TG: variants seen among roughly 807,000 people sequenced by gnomAD.
The protein encoded by TG is thyroid hormones.
In TG, 270 loss-of-function variants were observed where a neutral mutation model predicts 324.7. The observed-to-expected ratio is 0.83, with a 90% CI of 0.75 to 0.92. The LOEUF (loss-of-function observed/expected upper bound fraction) is 0.92, where lower values mean the gene tolerates loss of function less well. Ranked by LOEUF, TG falls within the 40% of genes least tolerant of loss-of-function variation. The pLI is 0.00. For synonymous variants in TG, 1,401 were observed against 1,327.0 expected, an observed-to-expected ratio of 1.06 and a Z score of -1.21; for missense variants, 3,591 against 3,456.4, an observed-to-expected ratio of 1.04 and a Z score of -0.98.
chr8:133,075,998 T>C (rs558504403), intron 41 of TG: 1 of 152,280 alleles, frequency 6.6e-6, no homozygotes, highest in Non-Finnish European at 1.5e-5. Context: ...ATATAAAATC[T>C]CCCTACTTAC....
At chr8:132,917,236 G>C (rs1045624944) in intron 20 of TG, among the ~76,000 whole-genome samples, 1 of 152,050 alleles carries the variant, frequency 6.6e-6, no homozygotes, top group Non-Finnish European at 1.5e-5. Flanking sequence ...TATTCAGCTA[G>C]ACCATCCTGT....
At chr8:132,957,816 G>T (rs1282699082) in intron 27 of TG, among the ~76,000 whole-genome samples, 1 of 140,876 alleles carries the variant, frequency 7.1e-6, no homozygotes, top group African/African-American at 2.6e-5. Context: ...ATACGTTACT[G>T]GGGTAAGGTG....
intron 41 of TG, chr8:133,040,419 C>T (rs1211817563): frequency 2.7e-6 from 1 of 363,864 alleles, no homozygotes; most frequent in Non-Finnish European, 5.0e-6. Flanking sequence ...TAGCTTTACC[C>T]CGATAGTAAA....
In TG at chr8:133,113,583, G is replaced by A. The variant is rs1850444560; in HGVS notation, c.7734G>A (p.Arg2578=). ...HSTDDYASFS[R]ALENATRDYF... ...CGGATGACTATGCCTCCTTCTCCCG[G>A]GCTCTGGAGAATGCCACCCGGTAAG... is the stretch of plus-strand genomic sequence containing the variant. The change falls in exon 44 of 48, where the codon CGG becomes CGA. Residue 2578 remains arginine (R), a synonymous_variant. Coordinates refer to ENST00000220616, the MANE Select transcript of TG (RefSeq NM_003235.5). 1.2e-6 allele frequency: 2 copies of A among 1,614,080 alleles called. No individual in the cohort carries two copies. Among genetic ancestry groups the A allele is most frequent in the Non-Finnish European group, 1.7e-6 (2 of 1,179,992 alleles).
chr8:133,118,239 A>G (rs1588134249), intron 45 of TG, among the ~76,000 whole-genome samples: 1 of 150,780 alleles, frequency 6.6e-6, no homozygotes, highest in African/African-American at 2.4e-5. Flanking sequence ...AGGTGACCTC[A>G]CTGCCACTAC....
At chr8:132,887,915 GT>G in intron 9 of TG, 68 bp from the exon 10 acceptor site, 1 of 1,438,596 alleles carries the variant, frequency 7.0e-7, no homozygotes. Context: ...CAGTTAAGTG[GT>G]TTTATCTTGG....
intron 35 of TG, among the ~76,000 whole-genome samples, chr8:132,996,618 A>T (rs1832913829): frequency 6.6e-6 from 1 of 152,178 alleles, no homozygotes. Flanking sequence ...GGAGCTCATG[A>T]TTTAACAGGC....
chr8:133,062,091 C>T (rs886483562), intron 41 of TG, among the ~76,000 whole-genome samples: 7 of 152,176 alleles, frequency 4.6e-5, no homozygotes, highest in Non-Finnish European at 1.0e-4. Flanking sequence ...GAACGGGCAG[C>T]ATGTTTAAAG....
intron 27 of TG, among the ~76,000 whole-genome samples, chr8:132,950,733 T>C (rs754107771): frequency 2.6e-5 from 4 of 152,222 alleles, no homozygotes; most frequent in African/African-American, 7.2e-5. Flanking sequence ...TCAGGCCTAA[T>C]TGCCTGTCTA....
intron 35 of TG, among the ~76,000 whole-genome samples, chr8:132,984,983 C>T (rs1344599043): frequency 6.6e-6 from 1 of 151,374 alleles, no homozygotes; most frequent in Non-Finnish European, 1.5e-5. Flanking sequence ...TCATCTATGT[C>T]ATCTCTGCTC....
intron 29 of TG, 67 bp from the exon 30 acceptor site, chr8:132,966,493 T>G (rs1351373048): frequency 3.2e-6 from 5 of 1,572,524 alleles, no homozygotes; most frequent in African/African-American, 1.4e-5. Flanking sequence ...TGTGTTTCTT[T>G]CTTGTGTTTT....
At chr8:133,003,436 C>T (rs1212187036) in intron 35 of TG, among the ~76,000 whole-genome samples, 2 of 146,144 alleles carry the variant, frequency 1.4e-5, no homozygotes, top group East Asian at 2.0e-4. Flanking sequence ...GTGGTGAGAA[C>T]ATTTGAAATT....
chr8:133,112,939 G>A (rs1850383065), intron 43 of TG, among the ~76,000 whole-genome samples: 1 of 152,152 alleles, frequency 6.6e-6, no homozygotes, highest in Non-Finnish European at 1.5e-5. Context: ...GTAACTATCT[G>A]TATGAAAGTG....
intron 41 of TG, chr8:133,090,249 G>A (rs533990854): frequency 6.6e-6 from 1 of 152,236 alleles, no homozygotes; most frequent in South Asian, 2.1e-4. Flanking sequence ...GTGGTCTGGT[G>A]AGGGCTTAGA....
chr8:132,870,725 A>G (rs1465128001), intron 3 of TG, among the ~76,000 whole-genome samples: 3 of 152,160 alleles, frequency 2.0e-5, no homozygotes, highest in Middle Eastern at 6.8e-3. Flanking sequence ...CACTCATGGT[A>G]CAAGGGGAAG....
intron 37 of TG, among the ~76,000 whole-genome samples, chr8:133,016,421 G>A (rs1260340979): frequency 6.6e-6 from 1 of 152,154 alleles, no homozygotes; most frequent in Non-Finnish European, 1.5e-5. Context: ...GTCTCCAGAT[G>A]TGGCCAAATG....
intron 43 of TG, among the ~76,000 whole-genome samples, chr8:133,109,162 G>T (rs996339575): frequency 6.6e-6 from 1 of 152,146 alleles, no homozygotes; most frequent in African/African-American, 2.4e-5. Flanking sequence ...TGGAGGAGGT[G>T]AGCCCTGAGC....
intron 41 of TG, among the ~76,000 whole-genome samples, chr8:133,043,918 G>A (rs1241569581): frequency 6.6e-6 from 1 of 152,226 alleles, no homozygotes; most frequent in Admixed American, 6.5e-5. Context: ...TGCAGAGGAA[G>A]TGGGGAGGAT....
intron 41 of TG, among the ~76,000 whole-genome samples, chr8:133,053,018 C>G (rs773431030): frequency 6.6e-6 from 1 of 152,186 alleles, no homozygotes; most frequent in Admixed American, 6.5e-5. Flanking sequence ...TGTGCTGCCT[C>G]GGCTACATGT....
Sources: gnomAD v4.1 joint callset for allele counts (sites outside exome capture counted in the v4.1 genomes callset) on GRCh38, gnomAD v4.1.1 for gene constraint, MANE v1.5 for transcripts, NCBI Gene and HGNC (gene_info 2026-07-23, HGNC 2026-07-21) for gene names.